The following SPEF2 variants were observed in gnomAD, a reference collection of about 807,000 sequenced individuals.
The protein encoded by SPEF2 is sperm flagella and cilia-associated protein 2.
A neutral mutation model predicts 224.6 loss-of-function variants in SPEF2; 187 were observed. That is an observed-to-expected ratio of 0.83 (90% CI 0.74 to 0.94). SPEF2 has a LOEUF of 0.94. Ranked by LOEUF, SPEF2 falls within the 40% of genes least tolerant of loss-of-function variation. The probability of loss-of-function intolerance (pLI) is 0.00; values close to 1 mark genes in which losing one functional copy is unlikely to be tolerated. For missense variants in SPEF2, 2,170 were observed against 2,135.6 expected (o/e 1.02, Z -0.32); for synonymous variants, 715 against 707.3 (o/e 1.01, Z -0.17).
chr5:35,799,905 C>A, intron 33 of SPEF2, 63 bp from the exon 34 acceptor site: 1 of 1,565,386 alleles, frequency 6.4e-7, no homozygotes, highest in Non-Finnish European at 8.7e-7. Flanking sequence ...TTCTTCATTG[C>A]ATGACTAACT....
chr5:35,697,890 C>T, intron 15 of SPEF2, 97 bp downstream of exon 15: 1 of 812,414 alleles, frequency 1.2e-6, no homozygotes, highest in Non-Finnish European at 1.9e-6. Flanking sequence ...TGTAATATCT[C>T]ATACATTTCA....
At chr5:35,694,591 T>A (rs76343508) in intron 13 of SPEF2, among the ~76,000 whole-genome samples, 8,621 of 152,246 alleles carry the variant, frequency 0.057, 278 homozygotes, top group African/African-American at 0.073. Context: ...TTCGAATAGT[T>A]GATTAGTTTT....
chr5:35,686,182 A>G (rs1372566933), intron 10 of SPEF2, among the ~76,000 whole-genome samples: 1 of 152,096 alleles, frequency 6.6e-6, no homozygotes, highest in East Asian at 1.9e-4. Flanking sequence ...ACAAAATACT[A>G]ATGTATCTTG....
intron 21 of SPEF2, among the ~76,000 whole-genome samples, chr5:35,738,162 G>A (rs1022123865): frequency 1.3e-5 from 2 of 152,028 alleles, no homozygotes; most frequent in African/African-American, 4.8e-5. Context: ...CCTTCTGTAG[G>A]TTGCCTGTTC....
chr5:35,710,827 T>C (rs1740960785), intron 19 of SPEF2: 1 of 985,378 alleles, frequency 1.0e-6, no homozygotes, highest in East Asian at 1.1e-4. Context: ...ATTGAAGAAA[T>C]AATAAATCTA....
intron 25 of SPEF2, among the ~76,000 whole-genome samples, chr5:35,761,872 G>C (rs910720610): frequency 6.6e-6 from 1 of 152,064 alleles, no homozygotes; most frequent in African/African-American, 2.4e-5. Flanking sequence ...TATTTCCTGC[G>C]AATAACTCTG....
In SPEF2 at chr5:35,704,657, A is replaced by C. The variant is rs1270082177; in HGVS notation, c.2502A>C (p.Gln834His). 9 of 1,591,010 alleles carry C rather than the reference A, an allele frequency of 5.7e-6. No individual in the cohort carries two copies. Among genetic ancestry groups the C allele is most frequent in the Non-Finnish European group, 7.8e-6 (9 of 1,160,562 alleles). Reference protein sequence around the residue: ...DGDQNLRDQIQHRIIGFLDNW... With the variant: ...DGDQNLRDQIHHRIIGFLDNW... The stretch of plus-strand genomic sequence containing the variant: ...ACCAAAATTTAAGAGACCAGATACA[A>C]CATAGGTTAGTTTTTAACTAAATGC... Residue 834 changes from glutamine to histidine, a missense_variant, in exon 17 of 37, where the codon CAA becomes CAC. By Grantham distance (24) the Gln-to-His change is conservative. Transcript: ENST00000356031.
At chr5:35,650,661 G>A (rs1748060348) in intron 6 of SPEF2, among the ~76,000 whole-genome samples, 1 of 152,148 alleles carries the variant, frequency 6.6e-6, no homozygotes, top group Admixed American at 6.5e-5. Context: ...ATGAAGCACA[G>A]CACTGTCTCC....
rs1425648064 is a variant in SPEF2 at position 35,700,909 on chromosome 5, GA to G, written c.2398+158del. 4.6e-5 allele frequency among the ~76,000 whole-genome samples: 7 copies of G among 152,248 alleles called. No homozygotes were observed. In the East Asian group the frequency reaches 1.4e-3, roughly 29 times the overall value. Reference sequence around the variant, plus strand: ...GTTGAGCACAGTTGCCTCTTGCTTTGACTGTTAGCATTCAGCGCTGTGGGCA... The same window carrying G: ...GTTGAGCACAGTTGCCTCTTGCTTTGCTGTTAGCATTCAGCGCTGTGGGCA... On this transcript the variant is annotated intron_variant, in intron 16 of 36. Transcript: ENST00000356031.
At chr5:35,715,597 G>C (rs10070465) in intron 20 of SPEF2, among the ~76,000 whole-genome samples, 114,045 of 151,692 alleles carry the variant, frequency 0.75, 43,238 homozygotes, top group Middle Eastern at 0.83. Flanking sequence ...GCCTCAAAAT[G>C]AGAGCATTTT....
intron 36 of SPEF2, among the ~76,000 whole-genome samples, chr5:35,814,214 A>T (rs1758701107): frequency 6.6e-6 from 1 of 152,178 alleles, no homozygotes. Flanking sequence ...TAATTAACCT[A>T]ATATGACAAC....
At chr5:35,699,670 A>G (rs1422074033) in intron 15 of SPEF2, 2 of 152,210 alleles carry the variant, frequency 1.3e-5, no homozygotes, top group African/African-American at 2.4e-5. Context: ...TTTAAAATGC[A>G]TCATTTCAGT....
At chr5:35,692,195 G>A (rs182775161) in intron 11 of SPEF2, among the ~76,000 whole-genome samples, 3 of 152,160 alleles carry the variant, frequency 2.0e-5, no homozygotes, top group African/African-American at 7.2e-5. Context: ...TGGATCACCT[G>A]AGGTCAAGAG....
intron 14 of SPEF2, 145 bp downstream of exon 14, chr5:35,695,941 C>T (rs1306620018): frequency 9.5e-6 from 5 of 524,778 alleles, no homozygotes; most frequent in East Asian, 3.3e-5. Flanking sequence ...TATTAGCTCA[C>T]CTGACTTTAC....
chr5:35,702,984 T>C (rs1738958612), intron 16 of SPEF2, among the ~76,000 whole-genome samples: 1 of 151,696 alleles, frequency 6.6e-6, no homozygotes. Flanking sequence ...AGGATTGCAG[T>C]GTATTGAGGT....
Position 35,704,653 on chromosome 5 carries a change from TACAA to T in SPEF2, c.2499_2502del (p.Gln834IlefsTer4). 1 of 1,597,544 alleles carries T rather than the reference TACAA, an allele frequency of 6.3e-7. No homozygotes were observed. The highest frequency in any genetic ancestry group is 1.7e-4 in the Middle Eastern group (1 of 6,024). On this transcript the variant is annotated frameshift_variant, in exon 17 of 37. Transcript: ENST00000356031. LOFTEE classifies it high-confidence loss of function. ...GGAGACCAAAATTTAAGAGACCAGATACAACATAGGTTAGTTTTTAACTAAATGC... is the reference window on the plus strand; with the variant it reads ...GGAGACCAAAATTTAAGAGACCAGATCATAGGTTAGTTTTTAACTAAATGC...
Position 35,697,780 on chromosome 5 carries a change from G to A in SPEF2, c.2128G>A (p.Val710Ile). 1 of 1,610,796 alleles carries A rather than the reference G, an allele frequency of 6.2e-7. No individual in the cohort carries two copies. The highest frequency in any genetic ancestry group is 8.5e-7 in the Non-Finnish European group (1 of 1,177,762). The change falls in exon 15 of 37, where the codon GTA (valine) becomes ATA (isoleucine). Residue 710 changes from valine to isoleucine, a missense_variant. Transcript: ENST00000356031. The stretch of plus-strand genomic sequence containing the variant: ...TGATGTGCTGCTTGTTGACATCATA[G>A]TAAATGCTATTAAGTATGTATTGCA... The part of the protein sequence containing the change: ...IPDVLLVDII[V>I]NAINEIPVNQ...
intron 32 of SPEF2, 60 bp from the exon 33 acceptor site, chr5:35,795,643 T>C (rs1756562777): frequency 4.0e-6 from 6 of 1,491,572 alleles, no homozygotes; most frequent in Non-Finnish European, 5.5e-6. Context: ...CTGTGGCTTT[T>C]AGAGGAACAT....
Position 35,727,718 on chromosome 5 carries a change from G to T in SPEF2, c.2958G>T (p.Lys986Asn), listed in dbSNP as rs1198023173. Residue 986 changes from lysine (K) to asparagine (N), a missense_variant, in exon 21 of 37, where the codon AAG becomes AAT. Coordinates refer to ENST00000356031, the MANE Select transcript of SPEF2 (RefSeq NM_024867.4). ...GKSSGGKVPV[K>N]KSPADSTDTS... ...CATCAGGAGGAAAAGTACCAGTAAAGAAATCACCTGCTGACTCTACAGATA... is the reference window on the plus strand; with the variant it reads ...CATCAGGAGGAAAAGTACCAGTAAATAAATCACCTGCTGACTCTACAGATA... The T allele has an allele frequency of 3.1e-6, 5 of 1,613,804 alleles. No individual in the cohort carries two copies. Among genetic ancestry groups the T allele is most frequent in the Non-Finnish European group, 4.2e-6 (5 of 1,179,850 alleles).
Sources: gnomAD v4.1 joint callset for allele counts (sites outside exome capture counted in the v4.1 genomes callset) on GRCh38, gnomAD v4.1.1 for gene constraint, MANE v1.5 for transcripts, NCBI Gene and HGNC (gene_info 2026-07-23, HGNC 2026-07-21) for gene names.